RADIL: variants seen among roughly 807,000 people sequenced by gnomAD.
RADIL encodes the protein Rap associating with DIL domain.
Under a neutral mutation model 97.6 loss-of-function variants are expected in RADIL, and 99 were observed. That is an observed-to-expected ratio of 1.01 (90% CI 0.86 to 1.20). The LOEUF is 1.20. Ranked by LOEUF, RADIL falls within the 50% of genes most tolerant of loss-of-function variation. The pLI is 0.00. For synonymous variants in RADIL, 803 were observed against 691.8 expected (o/e 1.16, Z -2.52); for missense variants, 1,765 against 1,498.9 (o/e 1.18, Z -2.93).
chr7:4,865,682 T>C, intron 2 of RADIL: 2 of 987,860 alleles, frequency 2.0e-6, no homozygotes, highest in South Asian at 2.5e-5. Context: ...TTGCAAAAAC[T>C]GCTCAAATTG....
chr7:4,859,415 T>C (rs1055348324), intron 2 of RADIL: 3 of 156,076 alleles, frequency 1.9e-5, no homozygotes, highest in Non-Finnish European at 2.8e-5. Context: ...GAAAGGTTTT[T>C]TCATTTTAAG....
intron 11 of RADIL, among the ~76,000 whole-genome samples, chr7:4,802,469 C>A (rs1320853916): frequency 7.6e-6 from 1 of 132,262 alleles, no homozygotes; most frequent in Non-Finnish European, 1.6e-5. Flanking sequence ...CCTCGGGGCA[C>A]GCTGGCTGGG....
Position 4,821,807 on chromosome 7 carries a change from G to A in RADIL, c.1615+587C>T, listed in dbSNP as rs1782840626. The stretch of plus-strand genomic sequence containing the variant: ...GGAGACGGAGCTTGCAGTGAGCCAA[G>A]ATCGCACCATTGCACTCCAGCCTGG... On this transcript the variant is annotated intron_variant, in intron 6 of 14. Transcript: ENST00000399583. This position sits in a 1 kb window ranked among gnomAD's most constrained non-coding sequence, Gnocchi z 5.2. Among the ~76,000 whole-genome samples, 1 of 152,142 alleles carries A rather than the reference G, an allele frequency of 6.6e-6. No individual in the cohort carries two copies. Among genetic ancestry groups the A allele is most frequent in the Admixed American group, 6.5e-5 (1 of 15,280 alleles).
Position 4,822,366 on chromosome 7 carries a change from G to T in RADIL, c.1615+28C>A. ...ACTCCCCTGCCTGGGGTGCTGGCGG[G>T]GGGAATGGAGGGCAGCGCCAGCCGT... On this transcript the variant is annotated intron_variant, in intron 6 of 14. Transcript: ENST00000399583. This position sits in a 1 kb window ranked among gnomAD's most constrained non-coding sequence, Gnocchi z 5.3. The T allele has an allele frequency of 6.3e-7, 1 of 1,593,716 alleles. No homozygotes were observed. The highest frequency in any genetic ancestry group is 1.1e-5 in the South Asian group (1 of 88,794).
chr7:4,805,034 C>T (rs892858705), intron 10 of RADIL, among the ~76,000 whole-genome samples: 4 of 152,102 alleles, frequency 2.6e-5, no homozygotes, highest in Non-Finnish European at 5.9e-5. Context: ...GTGGAGGTTG[C>T]AGTGAGCTGA....
chr7:4,838,212 A>G (rs910569632), intron 2 of RADIL, among the ~76,000 whole-genome samples: 2 of 148,910 alleles, frequency 1.3e-5, no homozygotes, highest in East Asian at 2.0e-4. Flanking sequence ...CAGTTCCCCT[A>G]CCTCATCCCA....
At chr7:4,862,494 G>A (rs1391170583) in intron 2 of RADIL, among the ~76,000 whole-genome samples, 1 of 152,208 alleles carries the variant, frequency 6.6e-6, no homozygotes, top group East Asian at 1.9e-4. Flanking sequence ...TGAGAATTCC[G>A]CAGCTAGGTG....
At position 4,814,643 on chromosome 7, in the gene RADIL, G is replaced by A. The variant is rs187611626; in HGVS notation, c.2139+635C>T. ...TTGCCGTTGTGACAAATGCCCACAC[G>A]CCTGGCGGTCACGGCCACACAGTGC... On this transcript the variant is annotated intron_variant, in intron 9 of 14. Transcript: ENST00000399583. The surrounding 1 kb of genome is among the most constrained non-coding windows in gnomAD (Gnocchi z 4.5). 6.6e-6 allele frequency among the ~76,000 whole-genome samples: 1 copy of A among 152,310 alleles called. No individual in the cohort carries two copies. Among genetic ancestry groups the A allele is most frequent in the Non-Finnish European group, 1.5e-5 (1 of 68,028 alleles).
rs1035049092 is a variant in RADIL at position 4,814,070 on chromosome 7, G to A, written c.2139+1208C>T. Among the ~76,000 whole-genome samples the A allele has an allele frequency of 3.9e-5, 6 of 152,128 alleles. No individual in the cohort carries two copies. Among genetic ancestry groups the A allele is most frequent in the South Asian group, 2.1e-4 (1 of 4,820 alleles). On this transcript the variant is annotated intron_variant, in intron 9 of 14. Coordinates refer to ENST00000399583, the MANE Select transcript of RADIL (RefSeq NM_018059.5). This position sits in a 1 kb window ranked among gnomAD's most constrained non-coding sequence, Gnocchi z 4.5. ...ACTGGGAGGACAGGCATGAGCCACC[G>A]TGCCTGGCCGAGTCAGCTTTCTTCA...
intron 6 of RADIL, among the ~76,000 whole-genome samples, chr7:4,820,194 G>A (rs1403773318): frequency 2.0e-5 from 3 of 152,208 alleles, no homozygotes; most frequent in Admixed American, 6.5e-5. Flanking sequence ...ACCCTTGGCC[G>A]GCCGCAACTC....
Position 4,797,593 on chromosome 7 carries a change from T to G in RADIL, c.*1785A>C, listed in dbSNP as rs1214915339. ...GGCATCAAATCAGAGTCCAGGATCC[T>G]GGGATCTGCACCAGGTCCAGAAATG... On this transcript the variant is annotated 3_prime_UTR_variant, in exon 15 of 15. Transcript: ENST00000399583. 6.6e-6 allele frequency: 1 copy of G among 152,236 alleles called. No homozygotes were observed. The highest frequency in any genetic ancestry group is 2.4e-5 in the African/African-American group (1 of 41,442). The allele number at this position is 152,236 out of a possible 1,614,324, so 9.4% of individuals were successfully genotyped here. A position where few individuals can be genotyped will look rare whatever the true frequency, so the allele number is the denominator to read the frequency against.
intron 2 of RADIL, among the ~76,000 whole-genome samples, chr7:4,870,600 C>T (rs1040245440): frequency 2.0e-5 from 3 of 152,148 alleles, no homozygotes; most frequent in African/African-American, 7.2e-5. Context: ...CACCACCATG[C>T]CTGGCTAATT....
At chr7:4,874,078 G>A (rs1784313882) in intron 2 of RADIL, among the ~76,000 whole-genome samples, 1 of 152,230 alleles carries the variant, frequency 6.6e-6, no homozygotes. Context: ...GTGCCTCCAA[G>A]CCAGCAGGAG....
At chr7:4,859,660 T>C (rs1406160363) in intron 2 of RADIL, 1 of 515,802 alleles carries the variant, frequency 1.9e-6, no homozygotes, top group African/African-American at 1.9e-5. Flanking sequence ...CCCTTGAGGT[T>C]GTTTTTAACC....
In RADIL at chr7:4,814,387, C is replaced by T. The variant is rs954644853; in HGVS notation, c.2139+891G>A. On this transcript the variant is annotated intron_variant, in intron 9 of 14. Coordinates refer to ENST00000399583, the MANE Select transcript of RADIL (RefSeq NM_018059.5). This position sits in a 1 kb window ranked among gnomAD's most constrained non-coding sequence, Gnocchi z 4.5. ...AAGGTGGAGTGCAGTGGCATGATCTCGGCTCACTGCAACCTCTGCCTCGCG... is the reference window on the plus strand; with the variant it reads ...AAGGTGGAGTGCAGTGGCATGATCTTGGCTCACTGCAACCTCTGCCTCGCG... Among the ~76,000 whole-genome samples the T allele has an allele frequency of 1.3e-5, 2 of 152,092 alleles. No homozygotes were observed. The highest frequency in any genetic ancestry group is 2.4e-5 in the African/African-American group (1 of 41,414).
Position 4,835,007 on chromosome 7 carries a change from A to G in RADIL, c.1016T>C (p.Leu339Pro), listed in dbSNP as rs1377700483. 1.2e-6 allele frequency: 2 copies of G among 1,611,450 alleles called. No homozygotes were observed. Among genetic ancestry groups the G allele is most frequent in the Admixed American group, 3.3e-5 (2 of 59,878 alleles). ...CAGGGAGAGCAGGTCCCCGTGGTGC[A>G]GCACCACGGTCCTGTGCCCCACCTC... is the stretch of plus-strand genomic sequence containing the variant. ...FSEVGHRTVV[L>P]HHGDLLSLGL... The change falls in exon 4 of 15, where the codon CTG (leucine) becomes CCG (proline). Residue 339 changes from leucine to proline, a missense_variant. Physicochemically the swap from Leu to Pro is moderately conservative, Grantham distance 98. Transcript: ENST00000399583. This position sits in a 1 kb window ranked among gnomAD's most constrained non-coding sequence, Gnocchi z 5.8.
chr7:4,843,860 C>T (rs1446057882), intron 2 of RADIL, among the ~76,000 whole-genome samples: 4 of 141,316 alleles, frequency 2.8e-5, no homozygotes, highest in Admixed American at 7.6e-5. Flanking sequence ...TGCAGTGAGC[C>T]GAAATCACGC....
intron 2 of RADIL, chr7:4,861,598 A>C: frequency 6.2e-7 from 1 of 1,611,642 alleles, no homozygotes; most frequent in African/African-American, 1.3e-5. Context: ...CCTTTACCAG[A>C]TTATTTAATT....
intron 2 of RADIL, among the ~76,000 whole-genome samples, chr7:4,848,365 A>C (rs778869424): frequency 6.6e-6 from 1 of 152,174 alleles, no homozygotes; most frequent in African/African-American, 2.4e-5. Context: ...TTTTAAAAAA[A>C]AAACCCAGCA....
Sources: gnomAD v4.1 joint callset for allele counts (sites outside exome capture counted in the v4.1 genomes callset) on GRCh38, gnomAD v4.1.1 for gene constraint, Gnocchi (gnomAD v3.1) non-coding constraint, MANE v1.5 for transcripts, NCBI Gene and HGNC (gene_info 2026-07-23, HGNC 2026-07-21) for gene names.